TCF4: variants seen among roughly 807,000 people sequenced by gnomAD.
TCF4 encodes the protein transcription factor 4, also known as SL3-3 enhancer factor 2.
In TCF4, 3 loss-of-function variants were observed where a neutral mutation model predicts 82.1. The observed-to-expected ratio is 0.04, with a 90% CI of 0.02 to 0.09. TCF4 has a LOEUF of 0.09. Ranked by LOEUF, TCF4 falls within the 10% of genes least tolerant of loss-of-function variation. The probability of loss-of-function intolerance (pLI) is 1.00; values close to 1 mark genes in which losing one functional copy is unlikely to be tolerated. For synonymous variants in TCF4, 276 were observed against 309.6 expected (o/e 0.89, Z 1.14); for missense variants, 518 against 852.7 (o/e 0.61, Z 4.89).
chr18:55,493,980 A>G (rs1231245858), intron 3 of TCF4, among the ~76,000 whole-genome samples: 1 of 152,198 alleles, frequency 6.6e-6, no homozygotes, highest in Non-Finnish European at 1.5e-5. Context: ...TAGAAGATTG[A>G]AAAATATTGG....
chr18:55,355,939 G>A (rs74965575), intron 6 of TCF4, among the ~76,000 whole-genome samples: 3,895 of 152,244 alleles, frequency 0.026, 90 homozygotes, highest in Non-Finnish European at 0.033. Flanking sequence ...GGGCTTTAAG[G>A]TCAGACCAAT....
rs1360165314 is a variant in TCF4 at position 55,289,155 on chromosome 18, T to C, written c.550-9499A>G. ...TAAGTTACACCTGGCTAAAGATCTCTTGAAACACTTAATTGCCTAAAATTT... is the reference window on the plus strand; with the variant it reads ...TAAGTTACACCTGGCTAAAGATCTCCTGAAACACTTAATTGCCTAAAATTT... On this transcript the variant is annotated intron_variant, in intron 8 of 19. Coordinates refer to ENST00000354452, the MANE Select transcript of TCF4 (RefSeq NM_001083962.2). Among the ~76,000 whole-genome samples the C allele has an allele frequency of 2.6e-5, 4 of 152,202 alleles. No individual in the cohort carries two copies. In the East Asian group the frequency reaches 7.7e-4, roughly 29 times the overall value.
At chr18:55,341,940 G>A (rs899034832) in intron 8 of TCF4, among the ~76,000 whole-genome samples, 1 of 152,142 alleles carries the variant, frequency 6.6e-6, no homozygotes, top group African/African-American at 2.4e-5. Context: ...TTCATTAAAC[G>A]TGAAGAATCT....
At chr18:55,283,875 AT>A (rs1232345751) in intron 8 of TCF4, among the ~76,000 whole-genome samples, 4 of 152,226 alleles carry the variant, frequency 2.6e-5, no homozygotes. Flanking sequence ...CATTGTTTGT[AT>A]TATTTGGACA....
At chr18:55,465,416 T>C (rs1434026625) in intron 3 of TCF4, among the ~76,000 whole-genome samples, 1 of 151,780 alleles carries the variant, frequency 6.6e-6, no homozygotes, top group Non-Finnish European at 1.5e-5. Context: ...AATTAACTTC[T>C]CTTTTTTTTT....
chr18:55,353,248 T>C (rs1320376240), intron 6 of TCF4, among the ~76,000 whole-genome samples: 1 of 152,146 alleles, frequency 6.6e-6, no homozygotes, highest in Non-Finnish European at 1.5e-5. Context: ...ATAAAATAAC[T>C]ACAAAACAGC....
At chr18:55,236,862 TAA>T (rs1447937344) in intron 15 of TCF4, among the ~76,000 whole-genome samples, 1 of 152,226 alleles carries the variant, frequency 6.6e-6, no homozygotes, top group Non-Finnish European at 1.5e-5. Flanking sequence ...AGGATGACTC[TAA>T]GTCAAAATCA....
At chr18:55,280,110 AG>A (rs1317535448) in intron 8 of TCF4, among the ~76,000 whole-genome samples, 1 of 152,098 alleles carries the variant, frequency 6.6e-6, no homozygotes, top group African/African-American at 2.4e-5. Context: ...GGAGGTAGGG[AG>A]GGGGGAGACA....
intron 8 of TCF4, among the ~76,000 whole-genome samples, chr18:55,347,937 C>G (rs905740156): frequency 6.6e-6 from 1 of 152,088 alleles, no homozygotes; most frequent in Admixed American, 6.5e-5. Context: ...ATCTGTTATA[C>G]AAATACTCAT....
chr18:55,262,271 G>T lies in TCF4; in HGVS notation c.923-738C>A, dbSNP rs553238629. Among the ~76,000 whole-genome samples the T allele has an allele frequency of 3.9e-5, 6 of 152,180 alleles. No homozygotes were observed. In the East Asian group the frequency reaches 5.8e-4, roughly 15 times the overall value. On this transcript the variant is annotated intron_variant, in intron 11 of 19. Coordinates refer to ENST00000354452, the MANE Select transcript of TCF4 (RefSeq NM_001083962.2). The stretch of plus-strand genomic sequence containing the variant: ...ACAAAGAGTATTGTGAATAATAAAA[G>T]ACATATATTACAGTATACAATTCAA...
intron 11 of TCF4, 41 bp downstream of exon 11, chr18:55,269,790 C>T: frequency 6.2e-7 from 1 of 1,611,566 alleles, no homozygotes; most frequent in Non-Finnish European, 8.5e-7. Flanking sequence ...TAAACTCTGA[C>T]ACCAATTGTT....
At chr18:55,322,092 C>CTTTTTTTTTTTTCTTTTTTTTTTT (rs374155330) in intron 8 of TCF4, 1 of 920,696 alleles carries the variant, frequency 1.1e-6, no homozygotes, top group African/African-American at 2.1e-5. Context: ...TTTTTCTTTT[C>CTTTTTTTTTTTTCTTTTTTTTTTT]TTTTTTTTTT....
chr18:55,467,364 C>T (rs1449642514), intron 3 of TCF4, among the ~76,000 whole-genome samples: 5 of 152,114 alleles, frequency 3.3e-5, no homozygotes, highest in African/African-American at 4.8e-5. Context: ...AAAGTGTATC[C>T]GCCACCTGAA....
chr18:55,234,599 C>T lies in TCF4; in HGVS notation c.1435G>A (p.Val479Ile). The change falls in exon 16 of 20, where the codon GTC becomes ATC. Residue 479 changes from valine to isoleucine, a missense_variant. Physicochemically the swap from Val to Ile is conservative, Grantham distance 29. Coordinates refer to ENST00000354452, the MANE Select transcript of TCF4 (RefSeq NM_001083962.2). ...PNQVPVPQLP[V>I]QSATSPDLNP... The stretch of plus-strand genomic sequence containing the variant: ...AGGTCAGGGGAAGTCGCAGACTGGA[C>T]AGGAAGCTGTGGAACCGGAACCTGG... The T allele has an allele frequency of 6.2e-7, 1 of 1,614,100 alleles. No homozygotes were observed. The highest frequency in any genetic ancestry group is 8.5e-7 in the Non-Finnish European group (1 of 1,180,020).
rs28672897 is a variant in TCF4, at chr18:55,557,233, T to G, written c.145+28047A>C. ...TAACGTGTTCTAGTTGCCCATAAAC[T>G]AATGCAAACACACAGACACACAGAC... On this transcript the variant is annotated intron_variant, in intron 3 of 19. Transcript: ENST00000354452. 7.7e-3 allele frequency among the ~76,000 whole-genome samples: 1,167 copies of G among 152,032 alleles called. 20 individuals are homozygous for G. Among genetic ancestry groups the G allele is most frequent in the African/African-American group, 0.027 (1,122 of 41,450 alleles).
At chr18:55,318,542 C>G (rs9320008) in intron 8 of TCF4, among the ~76,000 whole-genome samples, 10,739 of 152,110 alleles carry the variant, frequency 0.071, 521 homozygotes, top group South Asian at 0.18. Flanking sequence ...GTTCATGAAA[C>G]TCTCACCTGA....
intron 16 of TCF4, among the ~76,000 whole-genome samples, chr18:55,233,843 A>T (rs929655901): frequency 2.6e-5 from 4 of 151,944 alleles, no homozygotes; most frequent in Non-Finnish European, 4.4e-5. Flanking sequence ...AAAGTCCATA[A>T]AATGATTATT....
At chr18:55,448,003 TA>T (rs994955293) in intron 5 of TCF4, among the ~76,000 whole-genome samples, 6 of 98,760 alleles carry the variant, frequency 6.1e-5, no homozygotes, top group Non-Finnish European at 1.2e-4. Flanking sequence ...GGGGGGATGA[TA>T]TGGGGGGGGA....
intron 3 of TCF4, among the ~76,000 whole-genome samples, chr18:55,582,168 C>G (rs973118212): frequency 1.3e-5 from 2 of 152,054 alleles, no homozygotes; most frequent in Non-Finnish European, 1.5e-5. Flanking sequence ...CCATACTCAT[C>G]AATAAATTAT....
Sources: allele counts gnomAD v4.1 joint callset (sites outside exome capture counted in the v4.1 genomes callset), GRCh38; gene constraint gnomAD v4.1.1; transcripts MANE v1.5; gene names NCBI Gene and HGNC (gene_info 2026-07-23, HGNC 2026-07-21).